Variants in MTAP observed in about 807,000 individuals in gnomAD.
The protein encoded by MTAP is methylthioadenosine phosphorylase.
A neutral mutation model predicts 33.6 loss-of-function variants in MTAP; 33 were observed. The observed-to-expected ratio is 0.98, with a 90% CI of 0.74 to 1.31. MTAP has a LOEUF of 1.31. Ranked by LOEUF, MTAP falls within the 40% of genes most tolerant of loss-of-function variation. The pLI, the probability that MTAP is intolerant of heterozygous loss-of-function variation, is 0.00. For synonymous variants in MTAP, 148 were observed against 125.7 expected, an observed-to-expected ratio of 1.18 and a Z score of -1.19; for missense variants, 367 against 360.0, an observed-to-expected ratio of 1.02 and a Z score of -0.16.
chr9:21,913,757 CA>C (rs1818626162), intron 1 of MTAP, among the ~76,000 whole-genome samples: 1 of 152,102 alleles, frequency 6.6e-6, no homozygotes, highest in African/African-American at 2.4e-5. Flanking sequence ...GCAATGGCAA[CA>C]AAAGCCAAAA....
intron 1 of MTAP, among the ~76,000 whole-genome samples, chr9:21,879,760 G>A (rs1318122353): frequency 2.0e-5 from 3 of 152,104 alleles, no homozygotes; most frequent in Non-Finnish European, 4.4e-5. Context: ...TTGCTTATCT[G>A]TAAAGTATCT....
intron 1 of MTAP, chr9:21,930,929 T>G: frequency 4.5e-6 from 3 of 665,538 alleles, no homozygotes. Context: ...GCCCACATGT[T>G]AGCCTCTACT....
intron 1 of MTAP, among the ~76,000 whole-genome samples, chr9:21,928,333 A>G (rs937991819): frequency 3.3e-5 from 5 of 152,212 alleles, no homozygotes; most frequent in African/African-American, 1.2e-4. Flanking sequence ...CACCTTGTGA[A>G]CCACAAATAA....
rs1554644080 is a variant in MTAP, at chr9:21,839,188, T to TTTA, written c.450+1178_450+1179insTTA. ...CTTTTACTTGGTTTTTTTTTTTTTT[T>TTTA]AAAAAAGTGGCAGGCGAAGTTTGTA... On this transcript the variant is annotated intron_variant, in intron 5 of 7. Transcript: ENST00000644715. 8.4e-4 allele frequency among the ~76,000 whole-genome samples: 127 copies of TTTA among 150,340 alleles called. 1 individual carries two copies. Among genetic ancestry groups the TTTA allele is most frequent in the African/African-American group, 2.8e-3 (114 of 41,072 alleles).
chr9:21,880,510 G>A (rs1192816347), intron 1 of MTAP, among the ~76,000 whole-genome samples: 1 of 152,058 alleles, frequency 6.6e-6, no homozygotes, highest in East Asian at 1.9e-4. Flanking sequence ...AAATCCTGTA[G>A]ATTCCACTAA....
At position 21,802,703 on chromosome 9, in the gene MTAP, T is replaced by C. The variant is rs1824079726; in HGVS notation, c.-46T>C. The C allele has an allele frequency of 1.3e-6, 2 of 1,596,742 alleles. No homozygotes were observed. The highest frequency in any genetic ancestry group is 1.3e-5 in the African/African-American group (1 of 74,438). ...CCGCTCTGTGGCTCGCTTGGTTCCC[T>C]TAGTCCCGAGCGCTCGCCCACTGCA... On this transcript the variant is annotated 5_prime_UTR_variant, in exon 1 of 8. Coordinates refer to ENST00000644715, the MANE Select transcript of MTAP (RefSeq NM_002451.4).
At chr9:21,842,648 T>A (rs888496476) in intron 5 of MTAP, among the ~76,000 whole-genome samples, 7 of 152,206 alleles carry the variant, frequency 4.6e-5, no homozygotes, top group Admixed American at 3.9e-4. Flanking sequence ...GAATTTTGTA[T>A]CCAGTAAAAC....
chr9:21,897,395 A>G (rs1818314308), intron 1 of MTAP, among the ~76,000 whole-genome samples: 1 of 152,192 alleles, frequency 6.6e-6, no homozygotes, highest in African/African-American at 2.4e-5. Context: ...ATCAGGCAAG[A>G]GAAAGAAATA....
chr9:21,930,851 C>G, intron 1 of MTAP: 1 of 656,474 alleles, frequency 1.5e-6, no homozygotes, highest in Non-Finnish European at 2.7e-6. Context: ...AAGAACAAGC[C>G]TCTCGTGGTT....
At chr9:21,836,186 G>T (rs758570280) in intron 4 of MTAP, among the ~76,000 whole-genome samples, 1 of 152,110 alleles carries the variant, frequency 6.6e-6, no homozygotes, top group Non-Finnish European at 1.5e-5. Flanking sequence ...TATGTTTTAT[G>T]ATTGGAAAAT....
At chr9:21,903,786 A>T (rs1818428297) in intron 1 of MTAP, among the ~76,000 whole-genome samples, 1 of 151,984 alleles carries the variant, frequency 6.6e-6, no homozygotes, top group Admixed American at 6.6e-5. Flanking sequence ...CGGAGCTCCG[A>T]CCCCATGGCA....
chr9:21,837,777 A>G (rs1587232379), intron 4 of MTAP, 131 bp from the exon 5 acceptor site: 1 of 710,370 alleles, frequency 1.4e-6, no homozygotes, highest in Non-Finnish European at 2.4e-6. Flanking sequence ...TCTTTAGCTT[A>G]TCCAGAGGAA....
At chr9:21,916,023 G>A (rs751503944) in intron 1 of MTAP, among the ~76,000 whole-genome samples, 81 of 140,352 alleles carry the variant, frequency 5.8e-4, no homozygotes, top group Non-Finnish European at 8.2e-4. Context: ...AGGCACGACT[G>A]TGTTTCGAAA....
chr9:21,886,439 G>C (rs547958437), intron 1 of MTAP, among the ~76,000 whole-genome samples: 1 of 152,194 alleles, frequency 6.6e-6, no homozygotes, highest in Non-Finnish European at 1.5e-5. Context: ...TTGCTGTGCG[G>C]AACCTTTTTT....
intron 3 of MTAP, among the ~76,000 whole-genome samples, chr9:21,817,488 T>A (rs1824512034): frequency 6.6e-6 from 1 of 151,966 alleles, no homozygotes; most frequent in Non-Finnish European, 1.5e-5. Context: ...GAGAATTCAC[T>A]CCCTAGAAGT....
chr9:21,930,023 A>G, intron 1 of MTAP: 1 of 419,194 alleles, frequency 2.4e-6, no homozygotes, highest in Non-Finnish European at 4.7e-6. Flanking sequence ...AATTAAGTCC[A>G]TTCAGTTTTG....
intron 1 of MTAP, among the ~76,000 whole-genome samples, chr9:21,920,014 A>G (rs528043031): frequency 6.6e-6 from 1 of 152,186 alleles, no homozygotes; most frequent in African/African-American, 2.4e-5. Context: ...CTAATGTAAC[A>G]GAAATGTATA....
At chr9:21,888,228 T>C (rs1818145297) in intron 1 of MTAP, among the ~76,000 whole-genome samples, 1 of 152,200 alleles carries the variant, frequency 6.6e-6, no homozygotes, top group African/African-American at 2.4e-5. Context: ...TGAGATTTGT[T>C]TTGGGGTGTG....
chr9:21,889,438 T>C (rs1445882103), intron 1 of MTAP, among the ~76,000 whole-genome samples: 2 of 152,118 alleles, frequency 1.3e-5, no homozygotes, highest in Non-Finnish European at 2.9e-5. Flanking sequence ...TCTAGTGTGA[T>C]CTTTTGGGGG....
Sources: gnomAD v4.1 joint callset for allele counts (sites outside exome capture counted in the v4.1 genomes callset) on GRCh38, gnomAD v4.1.1 for gene constraint, MANE v1.5 for transcripts, NCBI Gene and HGNC (gene_info 2026-07-23, HGNC 2026-07-21) for gene names.